NDUFB5: variants seen among roughly 807,000 people sequenced by gnomAD.
The protein encoded by NDUFB5 is NADH dehydrogenase [ubiquinone] 1 beta subcomplex subunit 5, mitochondrial.
A neutral mutation model predicts 19.4 loss-of-function variants in NDUFB5; 19 were observed. The ratio of observed to expected loss-of-function variants is 0.98; its 90% CI spans 0.68 to 1.43. NDUFB5 has a LOEUF of 1.43. Ranked by LOEUF, NDUFB5 falls within the 40% of genes most tolerant of loss-of-function variation. The pLI is 0.00. For synonymous variants in NDUFB5, 80 were observed against 82.6 expected (o/e 0.97, Z 0.17); for missense variants, 233 against 236.5 (o/e 0.99, Z 0.10).
intron 5 of NDUFB5, among the ~76,000 whole-genome samples, chr3:179,622,967 GAAGGAC>G (rs1338879888): frequency 3.3e-5 from 5 of 152,356 alleles, no homozygotes; most frequent in Admixed American, 6.5e-5. Flanking sequence ...AATTTGTGAA[GAAGGAC>G]AAGGACAAGT....
At chr3:179,622,383 A>G (rs550662613) in intron 5 of NDUFB5, among the ~76,000 whole-genome samples, 2 of 152,142 alleles carry the variant, frequency 1.3e-5, no homozygotes, top group South Asian at 4.2e-4. Context: ...CCTGAGCTCA[A>G]GCAACCTTCC....
In NDUFB5 at chr3:179,626,651, C is replaced by G. The variant is rs1302791817; in HGVS notation, c.*2611C>G. The G allele has an allele frequency of 6.6e-6, 1 of 152,280 alleles. No homozygotes were observed. 9.4% of individuals were successfully genotyped at this position (152,280 alleles called of 1,614,324 possible). A position where few individuals can be genotyped will look rare whatever the true frequency, so the allele number is the denominator to read the frequency against. On this transcript the variant is annotated 3_prime_UTR_variant, in exon 6 of 6. Coordinates refer to ENST00000259037, the MANE Select transcript of NDUFB5 (RefSeq NM_002492.4). ...GTTCAAGCAATTCTCCTGCCTCAGC[C>G]TCCTGAGTAGCTGGGATTACAGGTG...
intron 1 of NDUFB5, among the ~76,000 whole-genome samples, chr3:179,606,487 C>T (rs954322496): frequency 2.6e-5 from 4 of 151,958 alleles, no homozygotes; most frequent in South Asian, 2.1e-4. Context: ...TACAGTTGCA[C>T]GCCTCCATGC....
In NDUFB5 at chr3:179,618,239, C is replaced by A. The variant is rs887314227; in HGVS notation, c.343-176C>A. 1.3e-5 allele frequency: 6 copies of A among 463,800 alleles called. No individual in the cohort carries two copies. In the Admixed American group the frequency reaches 1.6e-4, roughly 13 times the overall value. 28.7% of individuals were successfully genotyped at this position (463,800 alleles called of 1,614,324 possible). On this transcript the variant is annotated intron_variant, in intron 4 of 5. Transcript: ENST00000259037. ...GTGCAATTCACTTATCTTTAAAATG[C>A]GGACAAAAATAGTATCCACCTCATC...
chr3:179,624,072 T>C lies in NDUFB5; in HGVS notation c.*32T>C. ...TTTTCTCCAAATACAAAGTATATTC[T>C]CTTTATTGGAAAATAAATTAATAAA... On this transcript the variant is annotated 3_prime_UTR_variant, in exon 6 of 6. Transcript: ENST00000259037. 1 of 1,564,436 alleles carries C rather than the reference T, an allele frequency of 6.4e-7. No homozygotes were observed. The highest frequency in any genetic ancestry group is 8.7e-7 in the Non-Finnish European group (1 of 1,150,128).
intron 1 of NDUFB5, among the ~76,000 whole-genome samples, chr3:179,605,446 A>G (rs1419614232): frequency 6.6e-6 from 1 of 151,886 alleles, no homozygotes; most frequent in Admixed American, 6.6e-5. Context: ...GGAGGAAGAG[A>G]GGTTTTTGTT....
At chr3:179,607,820 G>A in intron 1 of NDUFB5, 1 of 702,318 alleles carries the variant, frequency 1.4e-6, no homozygotes, top group Non-Finnish European at 2.6e-6. Context: ...CATGTAAGTA[G>A]AATCATATAA....
At chr3:179,608,769 A>G (rs991669632) in intron 1 of NDUFB5, among the ~76,000 whole-genome samples, 1 of 152,128 alleles carries the variant, frequency 6.6e-6, no homozygotes, top group Non-Finnish European at 1.5e-5. Flanking sequence ...TCTCCTGCTA[A>G]ATCACGGAGG....
intron 1 of NDUFB5, among the ~76,000 whole-genome samples, chr3:179,609,634 A>G (rs115517677): frequency 2.0e-5 from 3 of 152,248 alleles, no homozygotes; most frequent in Admixed American, 6.5e-5. Context: ...ATTCCACAAT[A>G]TGGTAATTCT....
intron 1 of NDUFB5, among the ~76,000 whole-genome samples, chr3:179,613,516 TA>T (rs1719301123): frequency 6.6e-6 from 1 of 152,224 alleles, no homozygotes; most frequent in South Asian, 2.1e-4. Flanking sequence ...AGTATGCAAT[TA>T]AATATGTATT....
At chr3:179,606,695 T>C (rs1456033474) in intron 1 of NDUFB5, among the ~76,000 whole-genome samples, 1 of 152,238 alleles carries the variant, frequency 6.6e-6, no homozygotes, top group African/African-American at 2.4e-5. Flanking sequence ...TCATTAGATA[T>C]ATACTGTAAG....
At chr3:179,607,696 A>G in intron 1 of NDUFB5, 1 of 693,868 alleles carries the variant, frequency 1.4e-6, no homozygotes, top group African/African-American at 1.8e-5. Flanking sequence ...AACTTTTTTC[A>G]TATGGTAAAA....
chr3:179,614,697 C>A (rs1719330252), intron 1 of NDUFB5: 1 of 187,916 alleles, frequency 5.3e-6, no homozygotes, highest in Non-Finnish European at 1.1e-5. Flanking sequence ...TCTGACCTGG[C>A]CTTATTACTC....
intron 1 of NDUFB5, chr3:179,607,834 TTGTC>T (rs1266176492): frequency 3.0e-5 from 21 of 701,624 alleles, no homozygotes; most frequent in Non-Finnish European, 3.6e-5. Flanking sequence ...CATATAATAT[TTGTC>T]TGTCACTTAG....
At chr3:179,613,100 CCCCATGGCCA>C (rs1719290034) in intron 1 of NDUFB5, among the ~76,000 whole-genome samples, 1 of 152,104 alleles carries the variant, frequency 6.6e-6, no homozygotes, top group Non-Finnish European at 1.5e-5. Flanking sequence ...TCTTTTGGGA[CCCCATGGCCA>C]CTCTTGTAGC....
At chr3:179,606,122 C>A (rs1327660100) in intron 1 of NDUFB5, among the ~76,000 whole-genome samples, 1 of 152,114 alleles carries the variant, frequency 6.6e-6, no homozygotes, top group Non-Finnish European at 1.5e-5. Flanking sequence ...ATTTGGACCT[C>A]CTTGGAGACA....
chr3:179,615,670 C>T, intron 2 of NDUFB5: 1 of 504,730 alleles, frequency 2.0e-6, no homozygotes, highest in Non-Finnish European at 3.8e-6. Flanking sequence ...TTTCTCTTGC[C>T]CTTCCGTTGT....
At chr3:179,616,388 A>G (rs926106993) in intron 3 of NDUFB5, among the ~76,000 whole-genome samples, 10 of 152,130 alleles carry the variant, frequency 6.6e-5, no homozygotes, top group Non-Finnish European at 4.4e-5. Context: ...TAAAAATACA[A>G]AAAACTAGCT....
chr3:179,607,930 T>C, intron 1 of NDUFB5: 1 of 640,610 alleles, frequency 1.6e-6, no homozygotes, highest in Non-Finnish European at 2.8e-6. Flanking sequence ...CCGTTGTCCA[T>C]TGTATGTATT....
Sources: gnomAD v4.1 joint callset for allele counts (sites outside exome capture counted in the v4.1 genomes callset) on GRCh38, gnomAD v4.1.1 for gene constraint, MANE v1.5 for transcripts, NCBI Gene and HGNC (gene_info 2026-07-23, HGNC 2026-07-21) for gene names.